The following GUCA1C variants were observed in gnomAD, a reference collection of about 807,000 sequenced individuals.
The protein encoded by GUCA1C is guanylyl cyclase-activating protein 3.
Under a neutral mutation model 16.2 loss-of-function variants are expected in GUCA1C, and 15 were observed. That is an observed-to-expected ratio of 0.93 (90% confidence interval 0.62 to 1.43). GUCA1C has a LOEUF of 1.43. GUCA1C is among the 40% of genes most tolerant of loss of function. The probability of loss-of-function intolerance (pLI) is 0.00; values close to 1 mark genes in which losing one functional copy is unlikely to be tolerated. For missense variants in GUCA1C, 275 were observed against 244.8 expected (o/e 1.12, Z -0.82); for synonymous variants, 78 against 85.4 (o/e 0.91, Z 0.48).
At chr3:108,932,312 A>G (rs1401443926) in intron 1 of GUCA1C, among the ~76,000 whole-genome samples, 1 of 136,984 alleles carries the variant, frequency 7.3e-6, no homozygotes, top group Non-Finnish European at 1.5e-5. Flanking sequence ...GCAGATTCCT[A>G]GACCTCCCAC....
At chr3:108,923,761 TA>T in intron 1 of GUCA1C, among the ~76,000 whole-genome samples, 1 of 152,342 alleles carries the variant, frequency 6.6e-6, no homozygotes, top group East Asian at 1.9e-4. Flanking sequence ...ATTTTCACAA[TA>T]TTGATTCTAC....
intron 3 of GUCA1C, among the ~76,000 whole-genome samples, chr3:108,910,973 C>T (rs150101466): frequency 1.3e-3 from 199 of 152,202 alleles, no homozygotes; most frequent in Middle Eastern, 6.8e-3. Context: ...TTTTGTAGGA[C>T]ATTATTCAGA....
chr3:108,930,553 C>T (rs1353983915), intron 1 of GUCA1C, among the ~76,000 whole-genome samples: 1 of 152,326 alleles, frequency 6.6e-6, no homozygotes, highest in South Asian at 2.1e-4. Flanking sequence ...ATTTTCTACA[C>T]TGTGGATGTT....
At chr3:108,908,577 C>A (rs541260106) in intron 3 of GUCA1C, among the ~76,000 whole-genome samples, 1 of 152,280 alleles carries the variant, frequency 6.6e-6, no homozygotes, top group African/African-American at 2.4e-5. Context: ...AAGATCAAGA[C>A]AAAATGACTA....
chr3:108,953,534 T>C (rs755851873), intron 1 of GUCA1C, 25 bp downstream of exon 1: 4 of 1,465,718 alleles, frequency 2.7e-6, no homozygotes, highest in African/African-American at 2.8e-5. Context: ...CATTTTCAAA[T>C]GAAATGAAAA....
chr3:108,928,102 T>C (rs1342570607), intron 1 of GUCA1C, among the ~76,000 whole-genome samples: 1 of 152,238 alleles, frequency 6.6e-6, no homozygotes, highest in Non-Finnish European at 1.5e-5. Flanking sequence ...CCACAGTTTT[T>C]CAGCATCTCA....
chr3:108,920,359 T>C, intron 2 of GUCA1C, 77 bp downstream of exon 2: 13 of 1,042,374 alleles, frequency 1.2e-5, no homozygotes, highest in Non-Finnish European at 1.9e-5. Context: ...CATAGACAGC[T>C]GTTACCTACT....
At chr3:108,932,924 CAAAAAAAAAAA>C (rs57918246) in intron 1 of GUCA1C, among the ~76,000 whole-genome samples, 1 of 68,684 alleles carries the variant, frequency 1.5e-5, no homozygotes, top group Non-Finnish European at 3.1e-5. Context: ...AAAAAAATCT[CAAAAAAAAAAA>C]AAAAAAAAGA....
chr3:108,917,082 A>T (rs953084794), intron 2 of GUCA1C, among the ~76,000 whole-genome samples: 2 of 152,238 alleles, frequency 1.3e-5, no homozygotes, highest in African/African-American at 4.8e-5. Context: ...ATTATTAACC[A>T]GTCTTGGCTT....
At chr3:108,950,059 A>G (rs1289804071) in intron 1 of GUCA1C, among the ~76,000 whole-genome samples, 1 of 152,154 alleles carries the variant, frequency 6.6e-6, no homozygotes, top group Non-Finnish European at 1.5e-5. Flanking sequence ...CATCACCCCC[A>G]GTCCTTGGCA....
At chr3:108,931,657 G>T (rs1576550859) in intron 1 of GUCA1C, among the ~76,000 whole-genome samples, 1 of 152,052 alleles carries the variant, frequency 6.6e-6, no homozygotes, top group African/African-American at 2.4e-5. Context: ...TGTTGGAGGG[G>T]GTTTAGGGTA....
intron 3 of GUCA1C, among the ~76,000 whole-genome samples, chr3:108,914,195 A>C (rs1946484792): frequency 6.6e-6 from 1 of 152,184 alleles, no homozygotes; most frequent in Non-Finnish European, 1.5e-5. Flanking sequence ...TGTAAGTGAA[A>C]GAGCTCATCT....
chr3:108,947,060 G>C (rs1168359775), intron 1 of GUCA1C, among the ~76,000 whole-genome samples: 1 of 152,118 alleles, frequency 6.6e-6, no homozygotes, highest in Non-Finnish European at 1.5e-5. Context: ...TATGTGAGAT[G>C]ATGTATATTT....
At chr3:108,913,393 A>G (rs1576543455) in intron 3 of GUCA1C, among the ~76,000 whole-genome samples, 1 of 152,122 alleles carries the variant, frequency 6.6e-6, no homozygotes, top group East Asian at 1.9e-4. Context: ...ATGTGAATAG[A>G]CATTCTCCTC....
intron 1 of GUCA1C, among the ~76,000 whole-genome samples, chr3:108,930,063 T>A (rs1037321561): frequency 2.6e-5 from 4 of 152,230 alleles, no homozygotes; most frequent in African/African-American, 4.8e-5. Flanking sequence ...TTTAGAATCA[T>A]ATGCTTCAAA....
chr3:108,929,286 G>A lies in GUCA1C; in HGVS notation c.205-8701C>T, dbSNP rs773449893. 8.2e-4 allele frequency among the ~76,000 whole-genome samples: 125 copies of A among 152,100 alleles called. 1 individual carries two copies. Among genetic ancestry groups the A allele is most frequent in the Non-Finnish European group, 5.4e-4 (37 of 68,006 alleles). On this transcript the variant is annotated intron_variant, in intron 1 of 3. Coordinates refer to ENST00000261047, the MANE Select transcript of GUCA1C (RefSeq NM_005459.4). Reference sequence around the variant, plus strand: ...CTTTTGTATAGAAAACTTTGTGTCTGAAACCTTGCTAAAATCTCGTATTAG... The same window carrying A: ...CTTTTGTATAGAAAACTTTGTGTCTAAAACCTTGCTAAAATCTCGTATTAG...
intron 1 of GUCA1C, among the ~76,000 whole-genome samples, chr3:108,943,958 C>T (rs986723616): frequency 6.6e-6 from 1 of 151,658 alleles, no homozygotes. Flanking sequence ...ACCCCAATAA[C>T]TTATAGAAAA....
At chr3:108,947,643 T>C (rs1276327187) in intron 1 of GUCA1C, among the ~76,000 whole-genome samples, 1 of 152,176 alleles carries the variant, frequency 6.6e-6, no homozygotes, top group Non-Finnish European at 1.5e-5. Flanking sequence ...ATTTTTAGGA[T>C]AAAATTACAT....
chr3:108,933,460 C>T (rs977050130), intron 1 of GUCA1C, among the ~76,000 whole-genome samples: 1 of 152,092 alleles, frequency 6.6e-6, no homozygotes, highest in African/African-American at 2.4e-5. Context: ...TTCTCAGGCC[C>T]TTAAGGGAGT....
Sources: allele counts gnomAD v4.1 joint callset (sites outside exome capture counted in the v4.1 genomes callset), GRCh38; gene constraint gnomAD v4.1.1; transcripts MANE v1.5; gene names NCBI Gene and HGNC (gene_info 2026-07-23, HGNC 2026-07-21).